STX8: variants seen among roughly 807,000 people sequenced by gnomAD.
STX8 encodes the protein syntaxin 8, also known as syntaxin-8.
In STX8, 23 loss-of-function variants were observed where a neutral mutation model predicts 37.5. The ratio of observed to expected loss-of-function variants is 0.61; its 90% confidence interval spans 0.44 to 0.87. The LOEUF (loss-of-function observed/expected upper bound fraction) is 0.87, where lower values mean the gene tolerates loss of function less well. Ranked by LOEUF, STX8 falls within the 40% of genes least tolerant of loss-of-function variation. The pLI is 0.00. For missense variants in STX8, 313 were observed against 284.7 expected, an observed-to-expected ratio of 1.10 and a Z score of -0.71; for synonymous variants, 115 against 99.1, an observed-to-expected ratio of 1.16 and a Z score of -0.95.
intron 6 of STX8, among the ~76,000 whole-genome samples, chr17:9,466,347 A>G (rs1440477162): frequency 1.3e-5 from 2 of 152,222 alleles, no homozygotes; most frequent in African/African-American, 4.8e-5. Flanking sequence ...TAGATGGAAG[A>G]AACATTAAAA....
At chr17:9,317,397 T>A (rs1909416737) in intron 7 of STX8, among the ~76,000 whole-genome samples, 1 of 152,080 alleles carries the variant, frequency 6.6e-6, no homozygotes, top group African/African-American at 2.4e-5. Flanking sequence ...TCACTGAAGA[T>A]CTTTACACAG....
intron 7 of STX8, among the ~76,000 whole-genome samples, chr17:9,263,023 C>A (rs1907101597): frequency 6.6e-6 from 1 of 152,322 alleles, no homozygotes; most frequent in Non-Finnish European, 1.5e-5. Flanking sequence ...TTTTGCTTTA[C>A]TACTTTAGTC....
intron 4 of STX8, among the ~76,000 whole-genome samples, chr17:9,533,169 G>A (rs940006654): frequency 1.3e-5 from 2 of 152,296 alleles, no homozygotes; most frequent in South Asian, 4.1e-4. Flanking sequence ...AATGTGTCAC[G>A]TTAAAATTGC....
At chr17:9,334,205 C>T (rs533996914) in intron 7 of STX8, among the ~76,000 whole-genome samples, 25 of 151,932 alleles carry the variant, frequency 1.6e-4, no homozygotes, top group African/African-American at 2.9e-4. Context: ...TGGGTGGTGC[C>T]GGTTGATCCA....
chr17:9,451,639 A>G (rs755587709), intron 6 of STX8, among the ~76,000 whole-genome samples: 23 of 152,166 alleles, frequency 1.5e-4, no homozygotes, highest in Non-Finnish European at 2.8e-4. Context: ...CCCATCTCTA[A>G]GTTCTCCTTT....
chr17:9,517,731 A>G (rs1397666844), intron 4 of STX8, among the ~76,000 whole-genome samples: 1 of 143,758 alleles, frequency 7.0e-6, no homozygotes, highest in Non-Finnish European at 1.5e-5. Flanking sequence ...AGGCAGGAGG[A>G]CTGTTTGAGC....
At chr17:9,255,250 G>A (rs1425514390) in intron 7 of STX8, among the ~76,000 whole-genome samples, 1 of 152,196 alleles carries the variant, frequency 6.6e-6, no homozygotes, top group African/African-American at 2.4e-5. Context: ...AAATGGGCCA[G>A]GCGCTGTGGC....
intron 7 of STX8, among the ~76,000 whole-genome samples, chr17:9,272,509 T>G (rs1314309894): frequency 1.3e-5 from 2 of 152,168 alleles, no homozygotes; most frequent in African/African-American, 4.8e-5. Flanking sequence ...TTCCAGATTG[T>G]AAGGTGCAAA....
At chr17:9,250,740 T>G in intron 7 of STX8, 95 bp from the exon 8 acceptor site, 12 of 1,249,312 alleles carry the variant, frequency 9.6e-6, no homozygotes, top group East Asian at 2.7e-5. Context: ...AGGGATGTAG[T>G]TCCCTCTGAG....
chr17:9,460,820 C>A (rs1490421237), intron 6 of STX8, among the ~76,000 whole-genome samples: 1 of 152,068 alleles, frequency 6.6e-6, no homozygotes. Flanking sequence ...GGCTTTGACA[C>A]TTGGTAGCTG....
rs1253203415 is a variant in STX8, at chr17:9,507,145, T to G, written c.324-1983A>C. Among the ~76,000 whole-genome samples the G allele has an allele frequency of 1.3e-5, 2 of 151,868 alleles. No homozygotes were observed. The highest frequency in any genetic ancestry group is 4.8e-5 in the African/African-American group (2 of 41,300). On this transcript the variant is annotated intron_variant, in intron 4 of 7. Transcript: ENST00000306357. This position sits in a 1 kb window ranked among gnomAD's most constrained non-coding sequence, Gnocchi z 4.0. ...TGACAGGCTAGCAGAGTGACTACGC[T>G]CCTGCATCCCGGATCTATGAAACAG...
At chr17:9,506,081 CCTCT>C (rs1187702481) in intron 4 of STX8, among the ~76,000 whole-genome samples, 1 of 152,010 alleles carries the variant, frequency 6.6e-6, no homozygotes, top group Non-Finnish European at 1.5e-5. Context: ...AACCTTACTC[CCTCT>C]AATAATCCAT....
intron 6 of STX8, among the ~76,000 whole-genome samples, chr17:9,479,047 T>C (rs1906209767): frequency 6.6e-6 from 1 of 152,152 alleles, no homozygotes; most frequent in Non-Finnish European, 1.5e-5. Flanking sequence ...GACTTTTAGT[T>C]GTTATTGCTG....
At chr17:9,371,750 A>G (rs923506056) in intron 7 of STX8, among the ~76,000 whole-genome samples, 1 of 150,540 alleles carries the variant, frequency 6.6e-6, no homozygotes, top group African/African-American at 2.4e-5. Flanking sequence ...TAGAAGTTCT[A>G]TCTGGTCCCT....
At chr17:9,378,089 G>A (rs539421542) in intron 7 of STX8, 1 of 156,972 alleles carries the variant, frequency 6.4e-6, no homozygotes, top group Admixed American at 6.2e-5. Context: ...AGCCCTCCAA[G>A]CGATTCTTAT....
At chr17:9,560,142 G>A (rs1317365594) in intron 2 of STX8, among the ~76,000 whole-genome samples, 3 of 151,208 alleles carry the variant, frequency 2.0e-5, no homozygotes, top group Non-Finnish European at 4.4e-5. Context: ...GCTCACACCT[G>A]TAATCACAGC....
intron 4 of STX8, among the ~76,000 whole-genome samples, chr17:9,512,830 A>AT (rs1423203870): frequency 1.3e-5 from 2 of 152,218 alleles, no homozygotes; most frequent in Non-Finnish European, 2.9e-5. Context: ...ATGCACATGC[A>AT]TAAGAATGAA....
intron 7 of STX8, among the ~76,000 whole-genome samples, chr17:9,276,565 T>C (rs1008046938): frequency 2.0e-5 from 3 of 152,204 alleles, no homozygotes; most frequent in South Asian, 4.1e-4. Context: ...TGTTGAGATA[T>C]CTAAGACATC....
At chr17:9,460,686 A>C (rs1425518198) in intron 6 of STX8, among the ~76,000 whole-genome samples, 1 of 141,220 alleles carries the variant, frequency 7.1e-6, no homozygotes, top group Non-Finnish European at 1.5e-5. Context: ...AAAAAAAAAA[A>C]AACAAAACAA....
Sources: gnomAD v4.1 joint callset for allele counts (sites outside exome capture counted in the v4.1 genomes callset) on GRCh38, gnomAD v4.1.1 for gene constraint, Gnocchi (gnomAD v3.1) non-coding constraint, MANE v1.5 for transcripts, NCBI Gene and HGNC (gene_info 2026-07-23, HGNC 2026-07-21) for gene names.